Variants in DAB1 observed in about 807,000 individuals in gnomAD.
DAB1 encodes DAB adaptor protein 1, also known as disabled homolog 1.
In DAB1, 15 loss-of-function variants were observed where a neutral mutation model predicts 64.6. The observed-to-expected ratio is 0.23, with a 90% CI of 0.16 to 0.36. DAB1 has a LOEUF of 0.36. Among genes scored for constraint, DAB1 ranks in the 10% least tolerant of loss-of-function variants. The pLI is 1.00. For missense variants in DAB1, 596 were observed against 706.7 expected (o/e 0.84, Z 1.78); for synonymous variants, 235 against 251.9 (o/e 0.93, Z 0.64).
At chr1:58,112,381 T>C (rs1180133728) in intron 5 of DAB1, among the ~76,000 whole-genome samples, 1 of 152,206 alleles carries the variant, frequency 6.6e-6, no homozygotes, top group Non-Finnish European at 1.5e-5. Context: ...ATTCAATAAA[T>C]ACATTTTTGA....
At chr1:57,476,887 T>C (rs1343417629) in intron 7 of DAB1, among the ~76,000 whole-genome samples, 8 of 152,190 alleles carry the variant, frequency 5.3e-5, no homozygotes, top group Non-Finnish European at 7.3e-5. Context: ...TGGGTTCAAA[T>C]TCAAGCTTGA....
At chr1:58,446,639 A>G (rs1417396567) in intron 3 of DAB1, among the ~76,000 whole-genome samples, 2 of 152,188 alleles carry the variant, frequency 1.3e-5, no homozygotes, top group East Asian at 1.9e-4. Flanking sequence ...GCTCTGCCAA[A>G]TATCTTCTGA....
chr1:57,626,268 C>T (rs1268293328), intron 7 of DAB1, among the ~76,000 whole-genome samples: 1 of 152,156 alleles, frequency 6.6e-6, no homozygotes, highest in Non-Finnish European at 1.5e-5. Context: ...GGTCAGTGCT[C>T]TCTGGGCTGC....
chr1:57,566,785 T>C lies in DAB1; in HGVS notation n.625+82807A>G, dbSNP rs1645127247. Among the ~76,000 whole-genome samples, 3 of 152,130 alleles carry C rather than the reference T, an allele frequency of 2.0e-5. No homozygotes were observed. In the East Asian group the frequency reaches 5.8e-4, roughly 29 times the overall value. On this transcript the variant is annotated intron_variant and non_coding_transcript_variant, in intron 7 of 20. Transcript: ENST00000485760. ...GCTCTGAAATTGAGGCAATAATTAATAGCCTACCAACCAAAAAAAGTCCAG... is the reference window on the plus strand; with the variant it reads ...GCTCTGAAATTGAGGCAATAATTAACAGCCTACCAACCAAAAAAAGTCCAG...
intron 3 of DAB1, among the ~76,000 whole-genome samples, chr1:58,362,794 C>T (rs1644180391): frequency 1.3e-5 from 2 of 152,074 alleles, no homozygotes; most frequent in Admixed American, 1.3e-4. Flanking sequence ...AACTGCAGTC[C>T]AAGGAGGGGA....
At chr1:57,179,376 T>G (rs1004762960) in intron 2 of DAB1, among the ~76,000 whole-genome samples, 7 of 152,204 alleles carry the variant, frequency 4.6e-5, no homozygotes, top group Non-Finnish European at 8.8e-5. Context: ...CAAACCTTCG[T>G]ACCTGCAGCC....
At chr1:57,248,556 A>T (rs1269501138) in intron 2 of DAB1, among the ~76,000 whole-genome samples, 1 of 152,208 alleles carries the variant, frequency 6.6e-6, no homozygotes, top group African/African-American at 2.4e-5. Flanking sequence ...GGTGCTGAAA[A>T]CATGTCCTTG....
At chr1:57,093,473 G>A (rs1047631733) in intron 4 of DAB1, among the ~76,000 whole-genome samples, 1 of 151,854 alleles carries the variant, frequency 6.6e-6, no homozygotes, top group Non-Finnish European at 1.5e-5. Context: ...ATGTGAGGTC[G>A]CAAAGCCTTA....
chr1:58,359,503 T>C (rs879690518), intron 3 of DAB1, among the ~76,000 whole-genome samples: 1 of 152,188 alleles, frequency 6.6e-6, no homozygotes, highest in Non-Finnish European at 1.5e-5. Context: ...TTCTGGAACA[T>C]GAAGACCAGC....
chr1:57,139,190 C>T (rs3850546), intron 3 of DAB1, among the ~76,000 whole-genome samples: 10,685 of 152,026 alleles, frequency 0.07, 567 homozygotes, highest in East Asian at 0.24. Context: ...GTGATAGTAC[C>T]GGGAGGTGAT....
chr1:57,879,224 A>G (rs1024542738), intron 1 of DAB1, among the ~76,000 whole-genome samples: 24 of 152,136 alleles, frequency 1.6e-4, no homozygotes, highest in African/African-American at 5.6e-4. Flanking sequence ...ATTGGGCCAT[A>G]TAACTGAATT....
At chr1:57,557,176 T>C (rs1160244901) in intron 7 of DAB1, among the ~76,000 whole-genome samples, 1 of 152,118 alleles carries the variant, frequency 6.6e-6, no homozygotes, top group African/African-American at 2.4e-5. Flanking sequence ...GTGGGCACAA[T>C]CTGATCAACT....
intron 3 of DAB1, among the ~76,000 whole-genome samples, chr1:58,431,015 T>C (rs953865935): frequency 3.9e-5 from 6 of 152,232 alleles, no homozygotes; most frequent in Non-Finnish European, 2.9e-5. Flanking sequence ...CCCTGAGGTC[T>C]ATGACACATA....
chr1:57,815,066 T>G lies in DAB1; in HGVS notation n.551+68933A>C, dbSNP rs111666928. On this transcript the variant is annotated intron_variant and non_coding_transcript_variant, in intron 6 of 20. Coordinates refer to the DAB1 transcript ENST00000485760. ...TTTCTTTTTTTCTTCTTTTTGTTTT[T>G]TTTGTTTGTTTGTTTGTTTTTTTGA... Among the ~76,000 whole-genome samples, 1,326 of 152,202 alleles carry G rather than the reference T, an allele frequency of 8.7e-3. 23 individuals carry two copies. The highest frequency in any genetic ancestry group is 0.03 in the African/African-American group (1,230 of 41,524).
intron 2 of DAB1, among the ~76,000 whole-genome samples, chr1:57,289,694 T>C (rs951585064): frequency 2.0e-5 from 3 of 152,126 alleles, no homozygotes; most frequent in Non-Finnish European, 4.4e-5. Context: ...GGCACAACGA[T>C]GTCTCAAACA....
chr1:58,380,558 C>T (rs548682327), intron 3 of DAB1, among the ~76,000 whole-genome samples: 8 of 152,304 alleles, frequency 5.3e-5, no homozygotes, highest in Non-Finnish European at 1.0e-4. Flanking sequence ...ATTTGCATCT[C>T]TTTGATGTAG....
At chr1:57,417,601 A>T (rs990344380) in intron 1 of DAB1, among the ~76,000 whole-genome samples, 1 of 152,186 alleles carries the variant, frequency 6.6e-6, no homozygotes, top group Non-Finnish European at 1.5e-5. Context: ...CCTTTAACAT[A>T]TCAGTAAATA....
At chr1:58,424,272 A>G (rs113020637) in intron 3 of DAB1, among the ~76,000 whole-genome samples, 1,747 of 152,318 alleles carry the variant, frequency 0.011, 39 homozygotes, top group African/African-American at 0.04. Context: ...CCTTCAACTG[A>G]GTGGATGAGG....
intron 3 of DAB1, among the ~76,000 whole-genome samples, chr1:58,463,816 A>G (rs1645268010): frequency 6.6e-6 from 1 of 152,192 alleles, no homozygotes; most frequent in East Asian, 1.9e-4. Flanking sequence ...AATTCTGTAC[A>G]TGTCCTTGTC....
Sources: allele counts gnomAD v4.1 joint callset (sites outside exome capture counted in the v4.1 genomes callset), GRCh38; gene constraint gnomAD v4.1.1; transcripts MANE v1.5; gene names NCBI Gene and HGNC (gene_info 2026-07-23, HGNC 2026-07-21).